Variants in PXYLP1 observed in about 807,000 individuals in gnomAD.
The protein encoded by PXYLP1 is acid phosphatase-like 2.
A neutral mutation model predicts 37.9 loss-of-function variants in PXYLP1; 17 were observed. The ratio of observed to expected loss-of-function variants is 0.45; its 90% CI spans 0.31 to 0.67. The LOEUF (loss-of-function observed/expected upper bound fraction) is 0.67. Ranked by LOEUF, PXYLP1 falls within the 30% of genes least tolerant of loss-of-function variation. The pLI is 0.07. For synonymous variants in PXYLP1, 221 were observed against 232.2 expected (o/e 0.95, Z 0.44); for missense variants, 511 against 612.0 (o/e 0.84, Z 1.74).
intron 2 of PXYLP1, among the ~76,000 whole-genome samples, chr3:141,269,384 G>A (rs1165083688): frequency 1.3e-5 from 2 of 152,128 alleles, no homozygotes; most frequent in African/African-American, 2.4e-5. Context: ...GGGGTTCTCT[G>A]GGTGGTAGGA....
intron 5 of PXYLP1, among the ~76,000 whole-genome samples, chr3:141,288,479 A>G (rs960693046): frequency 6.6e-6 from 1 of 152,260 alleles, no homozygotes; most frequent in Non-Finnish European, 1.5e-5. Flanking sequence ...GCCTTTGGCA[A>G]TTAGTTCCAC....
At position 141,279,317 on chromosome 3, in the gene PXYLP1, C is replaced by G. The variant is rs971057706; in HGVS notation, c.239-61C>G. The stretch of plus-strand genomic sequence containing the variant: ...ATGTGGCCAGGTCATCCCCTTGGCC[C>G]CCTTCTAAAAGGATTGACACCTATT... On this transcript the variant is annotated intron_variant, in intron 3 of 5. Coordinates refer to ENST00000286353, the MANE Select transcript of PXYLP1 (RefSeq NM_001037172.3). 3 of 1,598,912 alleles carry G rather than the reference C, an allele frequency of 1.9e-6. 1 individual carries two copies. The East Asian group carries it at 6.7e-5, about 36-fold the overall frequency.
intron 2 of PXYLP1, among the ~76,000 whole-genome samples, chr3:141,261,619 C>T (rs547240909): frequency 5.3e-4 from 80 of 152,310 alleles, no homozygotes; most frequent in Non-Finnish European, 1.1e-3. Flanking sequence ...TGAGCCACCA[C>T]GCCCGGCCCC....
intron 2 of PXYLP1, chr3:141,262,276 A>G: frequency 1.0e-6 from 1 of 992,962 alleles, no homozygotes; most frequent in Non-Finnish European, 1.2e-6. Flanking sequence ...GGTGGGCATC[A>G]GAAGTTTAAA....
At chr3:141,244,964 CCT>C (rs1940901434) in intron 1 of PXYLP1, among the ~76,000 whole-genome samples, 1 of 151,830 alleles carries the variant, frequency 6.6e-6, no homozygotes, top group Admixed American at 6.6e-5. Context: ...AACTCATCCC[CCT>C]GAGACTAACT....
intron 2 of PXYLP1, 45 bp downstream of exon 2, chr3:141,260,299 C>T: frequency 1.9e-6 from 3 of 1,597,402 alleles, no homozygotes; most frequent in Non-Finnish European, 2.6e-6. Context: ...GTAGGGGCTT[C>T]ATAGGAAACA....
intron 1 of PXYLP1, among the ~76,000 whole-genome samples, chr3:141,242,269 G>T (rs1439165356): frequency 6.6e-6 from 1 of 152,128 alleles, no homozygotes; most frequent in Non-Finnish European, 1.5e-5. Flanking sequence ...ATGAGGGCTC[G>T]CCTTGCCACA....
rs879210058 is a variant in PXYLP1, at chr3:141,278,481, G to A, written c.219G>A (p.Val73=). 2 of 1,614,206 alleles carry A rather than the reference G, an allele frequency of 1.2e-6. No homozygotes were observed. The highest frequency in any genetic ancestry group is 1.7e-6 in the Non-Finnish European group (2 of 1,180,028). Residue 73 remains valine, a synonymous_variant, in exon 3 of 6, where the codon GTG becomes GTA. Transcript: ENST00000286353. ...EALLYCNIPS[V]AERSMEGHAP... ...TTTTGTACTGCAACATCCCCAGCGT[G>A]GCCGAGCGCAGCATGGAAGGTAGGC...
At chr3:141,234,585 T>A (rs1052082012) in intron 1 of PXYLP1, among the ~76,000 whole-genome samples, 1 of 152,220 alleles carries the variant, frequency 6.6e-6, no homozygotes, top group Non-Finnish European at 1.5e-5. Context: ...TTTCTGGCAC[T>A]GTGGCTTGCA....
chr3:141,237,609 A>G (rs530945278), intron 1 of PXYLP1, among the ~76,000 whole-genome samples: 10 of 152,370 alleles, frequency 6.6e-5, no homozygotes, highest in Admixed American at 2.6e-4. Context: ...AGCACCTACC[A>G]CATGGTACAT....
At chr3:141,274,336 C>G (rs1941739429) in intron 2 of PXYLP1, 1 of 1,403,524 alleles carries the variant, frequency 7.1e-7, no homozygotes, top group Non-Finnish European at 9.3e-7. Context: ...CCTGGTGAGG[C>G]CAACCTGACC....
intron 1 of PXYLP1, among the ~76,000 whole-genome samples, chr3:141,243,425 A>C (rs1010073100): frequency 6.6e-6 from 1 of 152,192 alleles, no homozygotes; most frequent in Non-Finnish European, 1.5e-5. Context: ...GTCTGGCTCC[A>C]GCCCTCCTCC....
intron 1 of PXYLP1, among the ~76,000 whole-genome samples, chr3:141,258,948 A>G (rs1331908770): frequency 6.6e-6 from 1 of 152,250 alleles, no homozygotes; most frequent in African/African-American, 2.4e-5. Context: ...CTCTTTTGGT[A>G]GAAAGTCTGA....
At chr3:141,233,916 C>T (rs1462961910) in intron 1 of PXYLP1, among the ~76,000 whole-genome samples, 5 of 152,200 alleles carry the variant, frequency 3.3e-5, no homozygotes, top group South Asian at 2.1e-4. Flanking sequence ...CTCCCTACAC[C>T]GCTCTGTGAT....
chr3:141,241,415 G>A (rs1473042118), intron 1 of PXYLP1, among the ~76,000 whole-genome samples: 1 of 151,796 alleles, frequency 6.6e-6, no homozygotes, highest in Non-Finnish European at 1.5e-5. Flanking sequence ...GCTGACATGA[G>A]TCTGTCGTGT....
At chr3:141,249,910 C>G (rs1408553738) in intron 1 of PXYLP1, among the ~76,000 whole-genome samples, 1 of 152,048 alleles carries the variant, frequency 6.6e-6, no homozygotes, top group Non-Finnish European at 1.5e-5. Context: ...TTAGTCTGTT[C>G]TGGCCCTGAG....
Position 141,287,554 on chromosome 3 carries a change from G to T in PXYLP1, c.505+101G>T, listed in dbSNP as rs2137016. 5,208 of 1,427,176 alleles carry T rather than the reference G, an allele frequency of 3.6e-3. 26 individuals are homozygous for T. Among genetic ancestry groups the T allele is most frequent in the Middle Eastern group, 0.015 (62 of 4,040 alleles). The allele number at this position is 1,427,176 out of a possible 1,614,324, so 88.4% of individuals were successfully genotyped here. Reference sequence around the variant, plus strand: ...GGGCGGGGTGCTGTGCAGCTCAGAGGGGGTAAGCAAGGACTGGCTCTGCAA... The same window carrying T: ...GGGCGGGGTGCTGTGCAGCTCAGAGTGGGTAAGCAAGGACTGGCTCTGCAA... On this transcript the variant is annotated intron_variant, in intron 5 of 5. Transcript: ENST00000286353.
At chr3:141,260,491 T>C (rs1471744099) in intron 2 of PXYLP1, among the ~76,000 whole-genome samples, 2 of 152,232 alleles carry the variant, frequency 1.3e-5, no homozygotes, top group Admixed American at 6.5e-5. Context: ...CCAGATTTTT[T>C]GTTCAGATTC....
intron 4 of PXYLP1, 39 bp from the exon 5 acceptor site, chr3:141,287,275 G>T (rs376537889): frequency 6.2e-7 from 1 of 1,601,676 alleles, no homozygotes; most frequent in African/African-American, 1.3e-5. Flanking sequence ...GATTCTTGTG[G>T]AGCACTCTGA....
Sources: gnomAD v4.1 joint callset for allele counts (sites outside exome capture counted in the v4.1 genomes callset) on GRCh38, gnomAD v4.1.1 for gene constraint, MANE v1.5 for transcripts, NCBI Gene and HGNC (gene_info 2026-07-23, HGNC 2026-07-21) for gene names.